The following ZC3H13 variants were observed in gnomAD, a reference collection of about 807,000 sequenced individuals.
The protein encoded by ZC3H13 is zinc finger CCCH domain-containing protein 13.
ZC3H13 carries 64 observed loss-of-function variants against 204.1 expected under a neutral mutation model. The observed-to-expected ratio is 0.31, with a 90% CI of 0.26 to 0.39. ZC3H13 has a LOEUF of 0.39. Ranked by LOEUF, ZC3H13 falls within the 10% of genes least tolerant of loss-of-function variation. ZC3H13 has a pLI of 1.00. For missense variants in ZC3H13, 1,833 were observed against 2,082.7 expected (o/e 0.88, Z 2.33); for synonymous variants, 667 against 693.7 (o/e 0.96, Z 0.60).
chr13:45,980,801 T>C (rs1452077718), intron 10 of ZC3H13, among the ~76,000 whole-genome samples: 2 of 152,130 alleles, frequency 1.3e-5, no homozygotes, highest in Non-Finnish European at 2.9e-5. Context: ...AAAGGAATCT[T>C]AGGATGTTAT....
chr13:45,959,500 G>A lies in ZC3H13; in HGVS notation c.4822C>T (p.Leu1608Phe). Residue 1608 changes from leucine to phenylalanine, a missense_variant, in exon 18 of 19, where the codon CTT (leucine) becomes TTT (phenylalanine). Leu to Phe is a conservative substitution (Grantham distance 22). Transcript: ENST00000679008. ...AACAGTACCTTCTCATTTTTAACAA[G>A]CTGCTTTCGAATTGCAGAATCCCGT... Reference protein sequence around the residue: ...FRRDSAIRKQLVKNEKGTIKQ... With the variant: ...FRRDSAIRKQFVKNEKGTIKQ... 6.5e-7 allele frequency: 1 copy of A among 1,541,858 alleles called. No homozygotes were observed. Among genetic ancestry groups the A allele is most frequent in the Non-Finnish European group, 8.7e-7 (1 of 1,143,608 alleles).
chr13:45,976,334 A>C, intron 11 of ZC3H13: 1 of 824,568 alleles, frequency 1.2e-6, no homozygotes, highest in Non-Finnish European at 1.5e-6. Context: ...ATACACATCA[A>C]AGTGCAGCTA....
At position 45,969,811 on chromosome 13, in the gene ZC3H13, CT is replaced by C. The variant is rs768180281; in HGVS notation, c.2732del (p.Lys911ArgfsTer7). ...GTTTATCTACAGAAGAAACTTTCTC[CT>C]TGAGTTCCTGTTCTTCGTAGCGCCT... ...SSRRYEEQEL[K>X]EKVSSVDKQR... On this transcript the variant is annotated frameshift_variant, in exon 14 of 19. Coordinates refer to ENST00000679008, the MANE Select transcript of ZC3H13 (RefSeq NM_001330564.2). LOFTEE classifies it high-confidence loss of function. 6.2e-7 allele frequency: 1 copy of C among 1,613,890 alleles called. No homozygotes were observed. Among genetic ancestry groups the C allele is most frequent in the Non-Finnish European group, 8.5e-7 (1 of 1,180,014 alleles).
intron 9 of ZC3H13, among the ~76,000 whole-genome samples, chr13:45,988,204 A>G (rs1479736752): frequency 6.6e-6 from 1 of 152,162 alleles, no homozygotes; most frequent in African/African-American, 2.4e-5. Context: ...CAGATGGCCA[A>G]AAATTTCTAG....
At chr13:45,981,136 T>C (rs547630504) in intron 10 of ZC3H13, among the ~76,000 whole-genome samples, 1 of 152,298 alleles carries the variant, frequency 6.6e-6, no homozygotes, top group South Asian at 2.1e-4. Flanking sequence ...GAAACAGTAC[T>C]GGGGCTGTGA....
intron 9 of ZC3H13, 60 bp downstream of exon 9, chr13:45,988,727 T>C: frequency 6.5e-7 from 1 of 1,528,678 alleles, no homozygotes; most frequent in Non-Finnish European, 8.8e-7. Flanking sequence ...CATCTCTTAG[T>C]ACAACAATAA....
intron 11 of ZC3H13, 60 bp downstream of exon 11, chr13:45,979,753 G>GA: frequency 1.3e-6 from 2 of 1,481,616 alleles, no homozygotes; most frequent in South Asian, 2.8e-5. Context: ...GTAACTGTTT[G>GA]AAAAAACAAT....
At chr13:45,960,129 G>T (rs2137735871) in intron 17 of ZC3H13, among the ~76,000 whole-genome samples, 1 of 151,564 alleles carries the variant, frequency 6.6e-6, no homozygotes, top group East Asian at 1.9e-4. Flanking sequence ...TTTTTTTTTG[G>T]TATTTTTAGT....
chr13:46,036,903 G>A (rs921923739), intron 4 of ZC3H13, among the ~76,000 whole-genome samples: 2 of 151,938 alleles, frequency 1.3e-5, no homozygotes, highest in African/African-American at 4.8e-5. Flanking sequence ...ATTTTTAGTA[G>A]AGACGGGGTT....
intron 11 of ZC3H13, among the ~76,000 whole-genome samples, chr13:45,976,758 G>A (rs1224035322): frequency 6.6e-6 from 1 of 152,044 alleles, no homozygotes; most frequent in Non-Finnish European, 1.5e-5. Flanking sequence ...CAACTACTGC[G>A]GTCTGATCTA....
At chr13:45,988,421 C>A (rs569264208) in intron 9 of ZC3H13, among the ~76,000 whole-genome samples, 1 of 152,166 alleles carries the variant, frequency 6.6e-6, no homozygotes, top group Non-Finnish European at 1.5e-5. Flanking sequence ...CCATGCCCAG[C>A]TAATTTTTTG....
intron 15 of ZC3H13, among the ~76,000 whole-genome samples, chr13:45,966,073 G>C (rs1056045461): frequency 6.6e-6 from 1 of 152,008 alleles, no homozygotes; most frequent in Non-Finnish European, 1.5e-5. Context: ...AGTTCCACTA[G>C]TGTATGTTCT....
chr13:46,028,065 T>C (rs2042650549), intron 4 of ZC3H13, among the ~76,000 whole-genome samples: 1 of 152,056 alleles, frequency 6.6e-6, no homozygotes, highest in South Asian at 2.1e-4. Flanking sequence ...CAAGACCCAA[T>C]GGTATGTTGT....
chr13:45,962,574 A>C (rs1951765886), intron 17 of ZC3H13: 1 of 985,148 alleles, frequency 1.0e-6, no homozygotes, highest in East Asian at 1.1e-4. Flanking sequence ...TTTTTCGGTT[A>C]ATACACGTTA....
At chr13:46,043,660 T>C (rs987158243) in intron 3 of ZC3H13, among the ~76,000 whole-genome samples, 5 of 151,808 alleles carry the variant, frequency 3.3e-5, no homozygotes, top group African/African-American at 1.2e-4. Flanking sequence ...ATGTTTTTCC[T>C]CCCGACAAAA....
In ZC3H13 at chr13:45,970,349, A is replaced by G. The variant is rs199722913; in HGVS notation, c.2572+13T>C. ...ATATGAATATAGAGAGACAGAAAAC[A>G]GAGTCTGCTTACTTTTATCATCTCC... On this transcript the variant is annotated intron_variant, in intron 13 of 18. Coordinates refer to ENST00000679008, the MANE Select transcript of ZC3H13 (RefSeq NM_001330564.2). 126 of 1,612,066 alleles carry G rather than the reference A, an allele frequency of 7.8e-5. 1 individual carries two copies. Among genetic ancestry groups the G allele is most frequent in the Non-Finnish European group, 9.8e-5 (116 of 1,178,482 alleles).
chr13:46,052,230 G>C (rs1385474168), intron 1 of ZC3H13, among the ~76,000 whole-genome samples, 174 bp downstream of exon 1: 1 of 151,702 alleles, frequency 6.6e-6, no homozygotes, highest in African/African-American at 2.4e-5. Flanking sequence ...TAATCAGAGT[G>C]AGAAATTACG....
Position 45,955,017 on chromosome 13 carries a change from T to G in ZC3H13, c.*2110A>C, listed in dbSNP as rs1370036581. 1.3e-5 allele frequency: 2 copies of G among 152,220 alleles called. No individual in the cohort carries two copies. Among genetic ancestry groups the G allele is most frequent in the Admixed American group, 1.3e-4 (2 of 15,284 alleles). The allele number at this position is 152,220 out of a possible 1,614,324, so 9.4% of individuals were successfully genotyped here. On this transcript the variant is annotated 3_prime_UTR_variant, in exon 19 of 19. Coordinates refer to ENST00000679008, the MANE Select transcript of ZC3H13 (RefSeq NM_001330564.2). ...CATTTATTTTGGATTGCAGACATAC[T>G]CTTGCCCTTTATCTATCTACACAAT...
rs1951520502 is a variant in ZC3H13 at position 45,959,497 on chromosome 13, C to A, written c.4825G>T (p.Val1609Phe). ...AATAACAGTACCTTCTCATTTTTAACAAGCTGCTTTCGAATTGCAGAATCC... is the reference window on the plus strand; with the variant it reads ...AATAACAGTACCTTCTCATTTTTAAAAAGCTGCTTTCGAATTGCAGAATCC... Reference protein sequence around the residue: ...RRDSAIRKQLVKNEKGTIKQA... With the variant: ...RRDSAIRKQLFKNEKGTIKQA... Residue 1609 changes from valine to phenylalanine, a missense_variant, in exon 18 of 19, where the codon GTT (valine) becomes TTT (phenylalanine). Val to Phe is a conservative substitution (Grantham distance 50, BLOSUM62 -1). Coordinates refer to ENST00000679008, the MANE Select transcript of ZC3H13 (RefSeq NM_001330564.2). 6.5e-7 allele frequency: 1 copy of A among 1,542,056 alleles called. No individual in the cohort carries two copies. Among genetic ancestry groups the A allele is most frequent in the Non-Finnish European group, 8.7e-7 (1 of 1,143,812 alleles).
Sources: gnomAD v4.1 joint callset for allele counts (sites outside exome capture counted in the v4.1 genomes callset) on GRCh38, gnomAD v4.1.1 for gene constraint, MANE v1.5 for transcripts, NCBI Gene and HGNC (gene_info 2026-07-23, HGNC 2026-07-21) for gene names.